The following ROR1 variants were observed in gnomAD, a reference collection of about 807,000 sequenced individuals.
The protein encoded by ROR1 is inactive tyrosine-protein kinase transmembrane receptor ROR1.
Under a neutral mutation model 78.8 loss-of-function variants are expected in ROR1, and 19 were observed. That is an observed-to-expected ratio of 0.24 (90% CI 0.17 to 0.35). The LOEUF (loss-of-function observed/expected upper bound fraction) is 0.35, where lower values mean the gene tolerates loss of function less well. ROR1 is among the 10% of genes least tolerant of loss of function. ROR1 has a pLI of 1.00. For missense variants in ROR1, 917 were observed against 1,177.8 expected, an observed-to-expected ratio of 0.78 and a Z score of 3.24; for synonymous variants, 386 against 433.6, an observed-to-expected ratio of 0.89 and a Z score of 1.36.
chr1:64,174,073 T>C (rs981275228), intron 8 of ROR1, among the ~76,000 whole-genome samples: 14 of 152,204 alleles, frequency 9.2e-5, no homozygotes, highest in Admixed American at 8.5e-4. Context: ...TAAATGGATC[T>C]AAATCATTTG....
intron 4 of ROR1, among the ~76,000 whole-genome samples, chr1:64,099,211 T>G (rs1647422170): frequency 6.6e-6 from 1 of 152,136 alleles, no homozygotes; most frequent in Admixed American, 6.5e-5. Flanking sequence ...CAGGCAAGAC[T>G]GTTAATACTA....
rs1645199848 is a variant in ROR1, at chr1:63,864,013, G to T, written c.91+89505G>T. The stretch of plus-strand genomic sequence containing the variant: ...TAAAAAGGACCATAGCATAATAGCA[G>T]CTAGCATTTATTTGGTGTTTTCCTG... On this transcript the variant is annotated intron_variant, in intron 1 of 8. Coordinates refer to ENST00000371079, the MANE Select transcript of ROR1 (RefSeq NM_005012.4). Among the ~76,000 whole-genome samples the T allele has an allele frequency of 2.0e-5, 3 of 152,160 alleles. No individual in the cohort carries two copies. The South Asian group carries it at 6.2e-4, about 32-fold the overall frequency.
At chr1:63,861,591 G>A (rs1336728746) in intron 1 of ROR1, among the ~76,000 whole-genome samples, 1 of 152,170 alleles carries the variant, frequency 6.6e-6, no homozygotes, top group Non-Finnish European at 1.5e-5. Context: ...ACGTTGAACT[G>A]ACTGTGCTCA....
At chr1:64,043,060 C>A (rs1182071395) in intron 2 of ROR1, among the ~76,000 whole-genome samples, 2 of 152,230 alleles carry the variant, frequency 1.3e-5, no homozygotes, top group Non-Finnish European at 2.9e-5. Context: ...GTGACTGGCT[C>A]CTCGGCTGAC....
intron 4 of ROR1, among the ~76,000 whole-genome samples, chr1:64,079,755 T>C (rs578187864): frequency 6.6e-6 from 1 of 152,328 alleles, no homozygotes; most frequent in African/African-American, 2.4e-5. Context: ...GTGCTGGGAT[T>C]ATAAGCATGA....
intron 1 of ROR1, among the ~76,000 whole-genome samples, chr1:63,776,015 T>C (rs937350076): frequency 2.0e-5 from 3 of 152,200 alleles, no homozygotes; most frequent in African/African-American, 4.8e-5. Context: ...AAAGTAAAAA[T>C]GGGCCATGCT....
Position 64,096,221 on chromosome 1 carries a change from CT to C in ROR1, c.483-41138del, listed in dbSNP as rs553349953. ...TCCCAGGATGTATTTGAAATAAAGT[CT>C]TTTTTTTTTAATTTTTTACTTTAAA... On this transcript the variant is annotated intron_variant, in intron 4 of 8. Transcript: ENST00000371079. 1.1e-3 allele frequency among the ~76,000 whole-genome samples: 170 copies of C among 149,350 alleles called. 1 individual carries two copies. Among genetic ancestry groups the C allele is most frequent in the African/African-American group, 2.7e-3 (110 of 40,668 alleles).
intron 1 of ROR1, among the ~76,000 whole-genome samples, chr1:63,900,336 C>T (rs1429986336): frequency 6.6e-6 from 1 of 151,788 alleles, no homozygotes; most frequent in East Asian, 1.9e-4. Flanking sequence ...CACCTGTAGT[C>T]CCAGCTACTT....
intron 1 of ROR1, among the ~76,000 whole-genome samples, chr1:63,852,287 G>A (rs1645118886): frequency 1.3e-5 from 2 of 152,208 alleles, no homozygotes. Flanking sequence ...ACATGTATGT[G>A]TACCCTTGCC....
chr1:63,786,214 C>T (rs1644684524), intron 1 of ROR1, among the ~76,000 whole-genome samples: 1 of 144,420 alleles, frequency 6.9e-6, no homozygotes. Flanking sequence ...GCACCTGGCA[C>T]AGGGAATAAA....
chr1:64,113,392 T>TA (rs1248210644), intron 4 of ROR1, among the ~76,000 whole-genome samples: 1 of 152,198 alleles, frequency 6.6e-6, no homozygotes, highest in Non-Finnish European at 1.5e-5. Context: ...GTACCATCCC[T>TA]ATATTCTGCA....
chr1:63,914,981 T>G (rs1645598226), intron 1 of ROR1, among the ~76,000 whole-genome samples: 1 of 152,146 alleles, frequency 6.6e-6, no homozygotes, highest in South Asian at 2.1e-4. Flanking sequence ...AAGTCAGTGG[T>G]TAATTGCAAA....
At chr1:63,828,072 A>G (rs1007396100) in intron 1 of ROR1, among the ~76,000 whole-genome samples, 1 of 152,200 alleles carries the variant, frequency 6.6e-6, no homozygotes, top group Non-Finnish European at 1.5e-5. Context: ...CCACCCCAAA[A>G]GGTAACAGCA....
chr1:63,859,880 T>C (rs636119), intron 1 of ROR1, among the ~76,000 whole-genome samples: 66,514 of 152,150 alleles, frequency 0.44, 18,281 homozygotes, highest in African/African-American at 0.79. Flanking sequence ...TCATTGTTAA[T>C]TAGGCCCTGG....
At chr1:64,044,607 C>G (rs935730897) in intron 2 of ROR1, among the ~76,000 whole-genome samples, 1 of 152,074 alleles carries the variant, frequency 6.6e-6, no homozygotes, top group Admixed American at 6.5e-5. Context: ...GGGCAGTATA[C>G]GTAAAGTACT....
intron 1 of ROR1, among the ~76,000 whole-genome samples, chr1:63,826,893 A>G (rs1265160667): frequency 6.6e-6 from 1 of 152,022 alleles, no homozygotes; most frequent in Admixed American, 6.5e-5. Context: ...CATTTTTCTA[A>G]TGATCAGTGA....
At chr1:63,945,294 A>C (rs570435094) in intron 1 of ROR1, among the ~76,000 whole-genome samples, 37 of 152,320 alleles carry the variant, frequency 2.4e-4, no homozygotes, top group African/African-American at 8.9e-4. Context: ...ATGTAAATAC[A>C]CTCAGTCCCA....
At chr1:64,067,707 A>ATTTTTTTTTTT (rs1557635987) in intron 4 of ROR1, among the ~76,000 whole-genome samples, 37 of 130,374 alleles carry the variant, frequency 2.8e-4, no homozygotes, top group Non-Finnish European at 4.4e-4. Flanking sequence ...AGTTAAATAA[A>ATTTTTTTTTTT]TTCTTTTTTT....
At chr1:63,983,329 A>G (rs374638102) in intron 1 of ROR1, among the ~76,000 whole-genome samples, 1 of 152,218 alleles carries the variant, frequency 6.6e-6, no homozygotes, top group Non-Finnish European at 1.5e-5. Flanking sequence ...CCTGGCAGCT[A>G]GCAGCAAGTC....
Sources: gnomAD v4.1 joint callset for allele counts (sites outside exome capture counted in the v4.1 genomes callset) on GRCh38, gnomAD v4.1.1 for gene constraint, MANE v1.5 for transcripts, NCBI Gene and HGNC (gene_info 2026-07-23, HGNC 2026-07-21) for gene names.